Variants in PTPN21 observed in about 807,000 individuals in gnomAD.
The protein encoded by PTPN21 is tyrosine-protein phosphatase non-receptor type 21.
In PTPN21, 77 loss-of-function variants were observed where a neutral mutation model predicts 131.8. The observed-to-expected ratio is 0.58, with a 90% confidence interval of 0.49 to 0.71. The LOEUF (loss-of-function observed/expected upper bound fraction) is 0.71, where lower values mean the gene tolerates loss of function less well. Among genes scored for constraint, PTPN21 ranks in the 30% least tolerant of loss-of-function variants. PTPN21 has a pLI of 0.00. For synonymous variants in PTPN21, 715 were observed against 621.3 expected (o/e 1.15, Z -2.24); for missense variants, 1,552 against 1,527.1 (o/e 1.02, Z -0.27).
chr14:88,532,022 G>A (rs758440730), intron 2 of PTPN21, among the ~76,000 whole-genome samples: 8 of 151,912 alleles, frequency 5.3e-5, no homozygotes, highest in Admixed American at 2.6e-4. Flanking sequence ...ATAAAATCCT[G>A]GAAATAGACA....
intron 10 of PTPN21, chr14:88,492,919 C>T (rs2077846375): frequency 2.8e-6 from 1 of 355,650 alleles, no homozygotes; most frequent in Non-Finnish European, 5.5e-6. Flanking sequence ...ACCCTGCCCT[C>T]ATGGAGCTTC....
chr14:88,534,228 G>C (rs917761286), intron 2 of PTPN21, among the ~76,000 whole-genome samples: 3 of 151,396 alleles, frequency 2.0e-5, no homozygotes, highest in Non-Finnish European at 4.4e-5. Flanking sequence ...TAAAAAAAAG[G>C]GGGGGCGGGG....
chr14:88,472,117 A>AAAACAATAC (rs2077480619), intron 15 of PTPN21, 127 bp downstream of exon 15: 5 of 642,672 alleles, frequency 7.8e-6, no homozygotes, highest in Non-Finnish European at 1.3e-5. Context: ...GTGTTTATCT[A>AAAACAATAC]AAACAATACA....
rs758680059 is a variant in PTPN21, at chr14:88,485,147, G to C, written c.1007C>G (p.Pro336Arg). ...SSRMSLPKPQ[P>R]YVMPPPPQLH... ...CTGCGGTGGGGGAGGCATCACGTAG[G>C]GCTGGGGTTTAGGCTAAGAAATGGA... The change falls in exon 12 of 19, where the codon CCC becomes CGC. Residue 336 changes from proline to arginine, a missense_variant. This residue lies in a region of PTPN21 where 1,016 missense variants were observed against 883.5 expected (regional missense o/e 1.15). Coordinates refer to ENST00000556564, the MANE Select transcript of PTPN21 (RefSeq NM_007039.4). The C allele has an allele frequency of 2.5e-6, 4 of 1,598,538 alleles. No homozygotes were observed. In the Admixed American group the frequency reaches 5.1e-5, roughly 20 times the overall value.
chr14:88,482,217 T>G (rs1358996544), intron 12 of PTPN21, among the ~76,000 whole-genome samples: 1 of 152,122 alleles, frequency 6.6e-6, no homozygotes, highest in Non-Finnish European at 1.5e-5. Flanking sequence ...CTGGGCAAGC[T>G]GGGGTGGCTA....
intron 10 of PTPN21, chr14:88,492,982 C>T (rs1032146375): frequency 4.8e-6 from 2 of 415,798 alleles, no homozygotes; most frequent in South Asian, 3.5e-5. Flanking sequence ...TGATATCTGT[C>T]AATATGAAAA....
intron 10 of PTPN21, among the ~76,000 whole-genome samples, chr14:88,486,286 G>C (rs1268639687): frequency 6.6e-6 from 1 of 152,082 alleles, no homozygotes; most frequent in African/African-American, 2.4e-5. Context: ...TCCTCCCGGG[G>C]GACCATCCAC....
chr14:88,545,076 C>G (rs903114201), intron 2 of PTPN21, among the ~76,000 whole-genome samples: 1 of 152,184 alleles, frequency 6.6e-6, no homozygotes, highest in Admixed American at 6.5e-5. Context: ...CTCAGGTGAT[C>G]TGCCCACCTC....
At chr14:88,484,660 A>C (rs1157666318) in intron 12 of PTPN21, among the ~76,000 whole-genome samples, 1 of 152,132 alleles carries the variant, frequency 6.6e-6, no homozygotes, top group African/African-American at 2.4e-5. Flanking sequence ...ACCCAAATAT[A>C]CCTGGATCAT....
intron 10 of PTPN21, among the ~76,000 whole-genome samples, chr14:88,492,609 G>A (rs771750157): frequency 3.3e-5 from 5 of 152,182 alleles, no homozygotes; most frequent in Non-Finnish European, 5.9e-5. Flanking sequence ...GGGCATCCCC[G>A]CATGTTATCT....
intron 2 of PTPN21, among the ~76,000 whole-genome samples, chr14:88,544,389 G>T (rs2078746874): frequency 6.6e-6 from 1 of 151,856 alleles, no homozygotes; most frequent in South Asian, 2.1e-4. Flanking sequence ...AAGAGAATTT[G>T]GTCAGTTACT....
chr14:88,543,983 C>A lies in PTPN21; in HGVS notation c.180+6255G>T, dbSNP rs527549965. On this transcript the variant is annotated intron_variant, in intron 2 of 18. Transcript: ENST00000556564. Reference sequence around the variant, plus strand: ...ATAAAACTAACACAATATACCACAGCAAACATGAAAAAAATAACCTTGAAG... The same window carrying A: ...ATAAAACTAACACAATATACCACAGAAAACATGAAAAAAATAACCTTGAAG... Among the ~76,000 whole-genome samples, 302 of 152,118 alleles carry A rather than the reference C, an allele frequency of 2.0e-3. 4 individuals carry two copies. Among genetic ancestry groups the A allele is most frequent in the African/African-American group, 7.0e-3 (288 of 41,428 alleles).
intron 3 of PTPN21, among the ~76,000 whole-genome samples, chr14:88,509,887 T>C (rs1055557137): frequency 5.3e-5 from 8 of 152,092 alleles, no homozygotes; most frequent in Admixed American, 5.2e-4. Flanking sequence ...AATACAAAAA[T>C]TAGCCAGGCG....
At position 88,479,905 on chromosome 14, in the gene PTPN21, T is replaced by G; in HGVS notation, c.1526A>C (p.His509Pro). The G allele has an allele frequency of 1.3e-6, 2 of 1,598,410 alleles. No homozygotes were observed. Among genetic ancestry groups the G allele is most frequent in the Non-Finnish European group, 1.7e-6 (2 of 1,176,664 alleles). Residue 509 changes from histidine (H) to proline (P), a missense_variant, in exon 13 of 19, where the codon CAC becomes CCC. Physicochemically the swap from His to Pro is moderately conservative, Grantham distance 77 (BLOSUM62 -2). Around this residue, in one of 4 missense-constraint regions of PTPN21, gnomAD observed 1,016 missense variants for 883.5 expected, o/e 1.15. Transcript: ENST00000556564. The stretch of plus-strand genomic sequence containing the variant: ...GCTGTAGCTCAGGCTGAACGGGCAG[T>G]GTGCGGCCGCTGGCGAGGGGAGCTG... ...HAQLPSPAAA[H>P]CPFSLSYSFH...
At chr14:88,528,976 CTT>C (rs1006739072) in intron 2 of PTPN21, among the ~76,000 whole-genome samples, 4 of 152,124 alleles carry the variant, frequency 2.6e-5, no homozygotes, top group African/African-American at 9.7e-5. Context: ...CTTTCTTTCT[CTT>C]GTCTGATTGC....
chr14:88,538,268 C>T (rs1415966424), intron 2 of PTPN21, among the ~76,000 whole-genome samples: 3 of 152,242 alleles, frequency 2.0e-5, no homozygotes, highest in Non-Finnish European at 4.4e-5. Context: ...CTCTACCTTT[C>T]TCCTTGCTTG....
At chr14:88,486,951 G>C (rs1265650278) in intron 10 of PTPN21, among the ~76,000 whole-genome samples, 4 of 149,714 alleles carry the variant, frequency 2.7e-5, no homozygotes, top group African/African-American at 9.9e-5. Context: ...ACTCCAGCCT[G>C]GGCAACAAGA....
At chr14:88,541,990 C>T (rs537752717) in intron 2 of PTPN21, among the ~76,000 whole-genome samples, 7 of 152,214 alleles carry the variant, frequency 4.6e-5, no homozygotes, top group African/African-American at 1.7e-4. Context: ...CTATGAACCA[C>T]CTGAAATTGT....
rs2077587984 is a variant in PTPN21, at chr14:88,478,927, G to A, written c.2504C>T (p.Pro835Leu). The change falls in exon 13 of 19, where the codon CCT becomes CTT. Residue 835 changes from proline (P) to leucine (L), a missense_variant. Physicochemically the swap from Pro to Leu is moderately conservative, Grantham distance 98. Coordinates refer to ENST00000556564, the MANE Select transcript of PTPN21 (RefSeq NM_007039.4). ...GCTCGCCGCGTGGCTTACCCCTAGA[G>A]GCGGGAGCCCTTCCACGATGTTCTT... ...GKKNIVEGLP[P>L]LGGMKKTRVD... The A allele has an allele frequency of 2.0e-6, 3 of 1,503,988 alleles. No homozygotes were observed. Among genetic ancestry groups the A allele is most frequent in the Non-Finnish European group, 8.9e-7 (1 of 1,127,258 alleles). 93.2% of individuals were successfully genotyped at this position (1,503,988 alleles called of 1,614,324 possible).
Sources: allele counts gnomAD v4.1 joint callset (sites outside exome capture counted in the v4.1 genomes callset), GRCh38; gene constraint gnomAD v4.1.1; regional missense constraint gnomAD v4.1.1; transcripts MANE v1.5; gene names NCBI Gene and HGNC (gene_info 2026-07-23, HGNC 2026-07-21).